The following JADE2 variants were observed in gnomAD, a reference collection of about 807,000 sequenced individuals.
JADE2 encodes E3 ubiquitin-protein ligase Jade-2.
Under a neutral mutation model 85.7 loss-of-function variants are expected in JADE2, and 13 were observed. The observed-to-expected ratio is 0.15, with a 90% CI of 0.10 to 0.24. JADE2 has a LOEUF of 0.24. JADE2 is among the 10% of genes least tolerant of loss of function. The pLI is 1.00. For missense variants in JADE2, 846 were observed against 1,115.9 expected (o/e 0.76, Z 3.45); for synonymous variants, 440 against 456.1 (o/e 0.96, Z 0.45).
chr5:134,578,425 T>C lies in JADE2; in HGVS notation c.1682-69T>C, dbSNP rs952953075. Reference sequence around the variant, plus strand: ...GATGCCTGGTGGTGTGCTGGGAGCGTCAGTGGGCTTCCTGAAAGGGTGGGA... The same window carrying C: ...GATGCCTGGTGGTGTGCTGGGAGCGCCAGTGGGCTTCCTGAAAGGGTGGGA... On this transcript the variant is annotated intron_variant, in intron 11 of 11. Coordinates refer to ENST00000681547, the MANE Select transcript of JADE2 (RefSeq NM_001388185.1). The surrounding 1 kb of genome is among the most constrained non-coding windows in gnomAD (Gnocchi z 4.4). 1.7e-6 allele frequency: 2 copies of C among 1,182,752 alleles called. No individual in the cohort carries two copies. Among genetic ancestry groups the C allele is most frequent in the Non-Finnish European group, 2.4e-6 (2 of 824,770 alleles). The allele number at this position is 1,182,752 out of a possible 1,614,324, so 73.3% of individuals were successfully genotyped here.
chr5:134,557,588 A>T (rs1763067258), intron 4 of JADE2, among the ~76,000 whole-genome samples: 1 of 108,446 alleles, frequency 9.2e-6, no homozygotes, highest in Non-Finnish European at 1.8e-5. Context: ...TGTCCATGTG[A>T]TCTCATTGTT....
At position 134,579,261 on chromosome 5, in the gene JADE2, G is replaced by C; in HGVS notation, c.2449G>C (p.Gly817Arg). ...VEAEDGGVQR[G>R]PREAGAEEVV... Reference sequence around the variant, plus strand: ...GGCCGAGGACGGTGGGGTGCAGCGGGGTCCCCGGGAGGCAGGGGCAGAGGA... The same window carrying C: ...GGCCGAGGACGGTGGGGTGCAGCGGCGTCCCCGGGAGGCAGGGGCAGAGGA... The change falls in exon 12 of 12, where the codon GGT becomes CGT. Residue 817 changes from glycine (G) to arginine (R), a missense_variant. Around this residue, in one of 9 missense-constraint regions of JADE2, gnomAD observed 300 missense variants for 300.7 expected, o/e 1.00. Transcript: ENST00000681547. The surrounding 1 kb of genome is among the most constrained non-coding windows in gnomAD (Gnocchi z 4.6). 6.2e-7 allele frequency: 1 copy of C among 1,613,752 alleles called. No individual in the cohort carries two copies. The highest frequency in any genetic ancestry group is 8.5e-7 in the Non-Finnish European group (1 of 1,179,962).
intron 3 of JADE2, among the ~76,000 whole-genome samples, chr5:134,546,822 G>C (rs1330305759): frequency 1.3e-5 from 2 of 152,036 alleles, no homozygotes; most frequent in African/African-American, 2.4e-5. Context: ...TTTGTAGTGT[G>C]GTAACTGCTG....
chr5:134,565,204 G>T (rs329313), intron 8 of JADE2, among the ~76,000 whole-genome samples: 141,255 of 152,230 alleles, frequency 0.93, 65,807 homozygotes, highest in Non-Finnish European at 0.97. Context: ...GGAGTGCAGG[G>T]GGGAGTCATC....
At chr5:134,551,529 C>CTTT (rs572386911) in intron 3 of JADE2, among the ~76,000 whole-genome samples, 1 of 142,958 alleles carries the variant, frequency 7.0e-6, no homozygotes, top group African/African-American at 2.6e-5. Context: ...TTGCCTGGCC[C>CTTT]TTTTTTTTTT....
At chr5:134,556,954 A>G (rs1283656456) in intron 4 of JADE2, among the ~76,000 whole-genome samples, 1 of 93,676 alleles carries the variant, frequency 1.1e-5, no homozygotes, top group Non-Finnish European at 2.4e-5. Flanking sequence ...CACACACACC[A>G]CACACACACC....
chr5:134,553,827 A>G (rs1341271508), intron 4 of JADE2, among the ~76,000 whole-genome samples: 1 of 152,208 alleles, frequency 6.6e-6, no homozygotes, highest in Non-Finnish European at 1.5e-5. Context: ...TTCTGGTCTC[A>G]TGAGGCAGAG....
At position 134,573,680 on chromosome 5, in the gene JADE2, G is replaced by A; in HGVS notation, c.1470G>A (p.Glu490=). 6.2e-7 allele frequency: 1 copy of A among 1,613,906 alleles called. No homozygotes were observed. Among genetic ancestry groups the A allele is most frequent in the Non-Finnish European group, 8.5e-7 (1 of 1,179,752 alleles). Reference sequence around the variant, plus strand: ...TGTGCTACATGGTGACAAGGCGCGAGAGAACGAAACACGCCATCTGCAAAC... The same window carrying A: ...TGTGCTACATGGTGACAAGGCGCGAAAGAACGAAACACGCCATCTGCAAAC... ...RNLCYMVTRR[E]RTKHAICKLQ... The change falls in exon 10 of 12, where the codon GAG becomes GAA. Residue 490 remains glutamate, a synonymous_variant. Coordinates refer to ENST00000681547, the MANE Select transcript of JADE2 (RefSeq NM_001388185.1).
At position 134,581,005 on chromosome 5, in the gene JADE2, A is replaced by C. The variant is rs963370624; in HGVS notation, c.*1688A>C. ...TGGTTCCCTCCTCCCCAAATACATA[A>C]AGCAAATAAGCAGGATGGGGAACAG... On this transcript the variant is annotated 3_prime_UTR_variant, in exon 12 of 12. Transcript: ENST00000681547. The C allele has an allele frequency of 6.6e-6, 1 of 152,592 alleles. No individual in the cohort carries two copies. The highest frequency in any genetic ancestry group is 1.5e-5 in the Non-Finnish European group (1 of 68,048). 9.5% of individuals were successfully genotyped at this position (152,592 alleles called of 1,614,324 possible).
intron 4 of JADE2, among the ~76,000 whole-genome samples, chr5:134,557,228 A>ATT (rs1163893894): frequency 1.4e-5 from 2 of 138,140 alleles, no homozygotes; most frequent in Non-Finnish European, 3.2e-5. Flanking sequence ...GATGATTATT[A>ATT]TTTTTTTTGT....
chr5:134,524,648 C>T (rs547790960), upstream of JADE2, among the ~76,000 whole-genome samples: 5 of 152,336 alleles, frequency 3.3e-5, no homozygotes, highest in South Asian at 2.1e-4. Context: ...CCGCTCATCA[C>T]TGCCTTCTCC....
rs1180648577 is a variant in JADE2, at chr5:134,564,629, C to T, written c.969+19C>T. On this transcript the variant is annotated intron_variant, in intron 8 of 11. Coordinates refer to ENST00000681547, the MANE Select transcript of JADE2 (RefSeq NM_001388185.1). Reference sequence around the variant, plus strand: ...CATCCAGGTATGTGGCCTACTTCACCTCCTGCTGCCAGGAGCTGGCTGAGA... The same window carrying T: ...CATCCAGGTATGTGGCCTACTTCACTTCCTGCTGCCAGGAGCTGGCTGAGA... The T allele has an allele frequency of 2.5e-5, 37 of 1,474,912 alleles. 1 individual carries two copies. The Admixed American group carries it at 8.0e-4, about 32-fold the overall frequency. The allele number at this position is 1,474,912 out of a possible 1,614,324, so 91.4% of individuals were successfully genotyped here.
chr5:134,527,187 T>C (rs1159601624), intron 1 of JADE2, among the ~76,000 whole-genome samples: 1 of 150,004 alleles, frequency 6.7e-6, no homozygotes, highest in African/African-American at 2.5e-5. Context: ...AGTGGCATCT[T>C]CCCGGCCTCA....
intron 6 of JADE2, among the ~76,000 whole-genome samples, chr5:134,561,309 T>C (rs866142234): frequency 1.3e-5 from 2 of 152,362 alleles, no homozygotes; most frequent in South Asian, 2.1e-4. Context: ...AGATTTCAAA[T>C]CGTGGCTCTG....
In JADE2 at chr5:134,573,756, T is replaced by C. The variant is rs144614511; in HGVS notation, c.1546T>C (p.Cys516Arg). ...GATGAAACTTATTGAACAGGATCTG[T>C]GTCGAGGTAGGCGCCTTCCCCACCT... Reference protein sequence around the residue: ...LQMKLIEQDLCRERSGRRAKG... With the variant: ...LQMKLIEQDLRRERSGRRAKG... Residue 516 changes from cysteine to arginine, a missense_variant, in exon 10 of 12, where the codon TGT becomes CGT. Cys to Arg is a radical substitution (Grantham distance 180). Coordinates refer to ENST00000681547, the MANE Select transcript of JADE2 (RefSeq NM_001388185.1). 5.6e-6 allele frequency: 9 copies of C among 1,604,748 alleles called. No individual in the cohort carries two copies. In the African/African-American group the frequency reaches 1.2e-4, roughly 21 times the overall value.
Position 134,531,615 on chromosome 5 carries a change from C to T in JADE2, c.1-4243C>T, listed in dbSNP as rs1001620657. Among the ~76,000 whole-genome samples the T allele has an allele frequency of 5.9e-5, 9 of 151,754 alleles. No individual in the cohort carries two copies. In the South Asian group the frequency reaches 8.3e-4, roughly 14 times the overall value. The stretch of plus-strand genomic sequence containing the variant: ...TTTTTTTTTTTGAGACAGAGTCCCA[C>T]TCTGTTGTCCAGGCTGGAGGGCAAT... On this transcript the variant is annotated intron_variant, in intron 1 of 11. Transcript: ENST00000681547.
Position 134,573,738 on chromosome 5 carries a change from C to A in JADE2, c.1528C>A (p.Leu510Ile), listed in dbSNP as rs774929992. The A allele has an allele frequency of 6.2e-7, 1 of 1,612,054 alleles. No homozygotes were observed. The highest frequency in any genetic ancestry group is 8.5e-7 in the Non-Finnish European group (1 of 1,178,074). Residue 510 changes from leucine (L) to isoleucine (I), a missense_variant, in exon 10 of 12, where the codon CTT (leucine) becomes ATT (isoleucine). By Grantham distance (5) the Leu-to-Ile change is conservative. This residue lies in a region of JADE2 where 119 missense variants were observed against 163.9 expected (regional missense o/e 0.73). Coordinates refer to ENST00000681547, the MANE Select transcript of JADE2 (RefSeq NM_001388185.1). ...GCAGATATTCCACCTGCAGATGAAA[C>A]TTATTGAACAGGATCTGTGTCGAGG... is the stretch of plus-strand genomic sequence containing the variant. ...QEQIFHLQMK[L>I]IEQDLCRERS...
At chr5:134,539,785 A>G (rs1311933267) in intron 3 of JADE2, among the ~76,000 whole-genome samples, 2 of 152,188 alleles carry the variant, frequency 1.3e-5, no homozygotes, top group East Asian at 3.9e-4. Context: ...CCACAGATGC[A>G]GTCCTGGCTC....
chr5:134,565,732 C>T (rs1236012740), intron 8 of JADE2, among the ~76,000 whole-genome samples: 1 of 151,476 alleles, frequency 6.6e-6, no homozygotes, highest in Non-Finnish European at 1.5e-5. Flanking sequence ...ACTTGGGAGG[C>T]TGAGGCAGGA....
Sources: allele counts gnomAD v4.1 joint callset (sites outside exome capture counted in the v4.1 genomes callset), GRCh38; gene constraint gnomAD v4.1.1; regional missense constraint gnomAD v4.1.1; non-coding constraint Gnocchi (gnomAD v3.1); transcripts MANE v1.5; gene names NCBI Gene and HGNC (gene_info 2026-07-23, HGNC 2026-07-21).